Variants in MIB1 observed in about 807,000 individuals in gnomAD.
The protein encoded by MIB1 is E3 ubiquitin-protein ligase MIB1.
In MIB1, 278 loss-of-function variants were observed where a neutral mutation model predicts 124.5. The observed-to-expected ratio is 2.23, with a 90% confidence interval of 2.02 to 2.47. The LOEUF is 2.47. Ranked by LOEUF, MIB1 falls within the 30% of genes most tolerant of loss-of-function variation. MIB1 has a pLI of 0.00. For synonymous variants in MIB1, 446 were observed against 429.4 expected, an observed-to-expected ratio of 1.04 and a Z score of -0.48; for missense variants, 957 against 1,254.4, an observed-to-expected ratio of 0.76 and a Z score of 3.58.
intron 1 of MIB1, among the ~76,000 whole-genome samples, chr18:21,762,788 T>C (rs1440507297): frequency 6.6e-6 from 1 of 152,192 alleles, no homozygotes; most frequent in East Asian, 1.9e-4. Context: ...TTAGAAGTTT[T>C]TATTTATTTT....
chr18:21,785,793 A>C (rs1457633726), intron 6 of MIB1, among the ~76,000 whole-genome samples: 1 of 152,222 alleles, frequency 6.6e-6, no homozygotes, highest in Non-Finnish European at 1.5e-5. Flanking sequence ...TCTTATAAGA[A>C]ATGATGGTGA....
At chr18:21,724,728 AT>A (rs1439892100) in intron 1 of MIB1, among the ~76,000 whole-genome samples, 874 of 18,672 alleles carry the variant, frequency 0.047, 27 homozygotes, top group Middle Eastern at 0.15. Context: ...AAAAAAAAAA[AT>A]ATATATATAT....
intron 6 of MIB1, among the ~76,000 whole-genome samples, chr18:21,783,456 T>C (rs2041395382): frequency 6.6e-6 from 1 of 152,114 alleles, no homozygotes; most frequent in Non-Finnish European, 1.5e-5. Context: ...TTAGTCAGGC[T>C]GGTCTCTAAC....
At chr18:21,788,608 T>G (rs970708243) in intron 6 of MIB1, among the ~76,000 whole-genome samples, 2 of 152,202 alleles carry the variant, frequency 1.3e-5, no homozygotes, top group African/African-American at 4.8e-5. Flanking sequence ...TACCAGAGGT[T>G]CTAGTCATAG....
At position 21,773,635 on chromosome 18, in the gene MIB1, C is replaced by G; in HGVS notation, c.543C>G (p.Ile181Met). ...GNGRRGKVTE[I>M]QDWSASSPHS... ...AACTATTCTGTTAGGTAACAGAAAT[C>G]CAGGACTGGAGTGCATCAAGCCCAC... Residue 181 changes from isoleucine (I) to methionine (M), a missense_variant, in exon 4 of 21, where the codon ATC becomes ATG. Transcript: ENST00000261537. The G allele has an allele frequency of 6.2e-7, 1 of 1,606,292 alleles. No individual in the cohort carries two copies. Among genetic ancestry groups the G allele is most frequent in the Non-Finnish European group, 8.5e-7 (1 of 1,177,102 alleles).
chr18:21,799,537 T>A (rs1484893784), intron 8 of MIB1, among the ~76,000 whole-genome samples: 1 of 152,080 alleles, frequency 6.6e-6, no homozygotes. Context: ...CATGGTAGTG[T>A]GTTTATTCAT....
At chr18:21,851,265 C>T (rs1464831003) in intron 17 of MIB1, among the ~76,000 whole-genome samples, 1 of 151,996 alleles carries the variant, frequency 6.6e-6, no homozygotes, top group Non-Finnish European at 1.5e-5. Flanking sequence ...AAATTAAGAA[C>T]GATGTCTGCA....
intron 1 of MIB1, among the ~76,000 whole-genome samples, chr18:21,749,339 C>T (rs955736216): frequency 2.7e-4 from 41 of 151,974 alleles, no homozygotes; most frequent in African/African-American, 5.6e-4. Flanking sequence ...TCTTTTTGGT[C>T]GGTACATAGT....
In MIB1 at chr18:21,757,935, G is replaced by A. The variant is rs139394850; in HGVS notation, c.230-7837G>A. On this transcript the variant is annotated intron_variant, in intron 1 of 20. Transcript: ENST00000261537. ...TTTAAATAAGATCCATGCTAGGTGCGGAAGAAAAACCACAAAAAACCGTGG... is the reference window on the plus strand; with the variant it reads ...TTTAAATAAGATCCATGCTAGGTGCAGAAGAAAAACCACAAAAAACCGTGG... Among the ~76,000 whole-genome samples, 34 of 152,220 alleles carry A rather than the reference G, an allele frequency of 2.2e-4. No individual in the cohort carries two copies. The East Asian group carries it at 5.0e-3, about 22-fold the overall frequency.
intron 1 of MIB1, among the ~76,000 whole-genome samples, chr18:21,743,854 A>G (rs1389080498): frequency 1.3e-5 from 2 of 152,170 alleles, no homozygotes; most frequent in African/African-American, 4.8e-5. Flanking sequence ...ATATGTTTGT[A>G]GTATGGGGTG....
At chr18:21,730,498 A>G (rs2040763924) in intron 1 of MIB1, among the ~76,000 whole-genome samples, 1 of 152,002 alleles carries the variant, frequency 6.6e-6, no homozygotes, top group South Asian at 2.1e-4. Flanking sequence ...AACTCAGGAG[A>G]CAGAGGTTGC....
rs1260929340 is a variant in MIB1 at position 21,847,559 on chromosome 18, G to C, written c.2393+434G>C. On this transcript the variant is annotated intron_variant, in intron 16 of 20. Transcript: ENST00000261537. ...TGCCCAGGTTGGGCTTAAACTCCTG[G>C]GCTCAAGCAATCCTCTTGCTTCATC... Among the ~76,000 whole-genome samples, 4 of 151,954 alleles carry C rather than the reference G, an allele frequency of 2.6e-5. No homozygotes were observed. In the East Asian group the frequency reaches 7.7e-4, roughly 29 times the overall value.
At chr18:21,712,703 A>C (rs375107925) in intron 1 of MIB1, among the ~76,000 whole-genome samples, 1 of 152,232 alleles carries the variant, frequency 6.6e-6, no homozygotes, top group African/African-American at 2.4e-5. Flanking sequence ...AGCATGGTCA[A>C]CGTTTTAACT....
chr18:21,856,989 A>G (rs1474565034), intron 18 of MIB1, 141 bp from the exon 19 acceptor site: 1 of 623,592 alleles, frequency 1.6e-6, no homozygotes, highest in Non-Finnish European at 2.9e-6. Context: ...ATAACATTTT[A>G]AGGAGGTAGA....
intron 6 of MIB1, among the ~76,000 whole-genome samples, chr18:21,785,167 A>G (rs1598609657): frequency 1.3e-5 from 2 of 152,216 alleles, no homozygotes; most frequent in East Asian, 1.9e-4. Context: ...CCCGGTGGAC[A>G]TGTGACTTGT....
chr18:21,786,481 T>G (rs1568201346), intron 6 of MIB1, among the ~76,000 whole-genome samples: 1 of 152,220 alleles, frequency 6.6e-6, no homozygotes, highest in Non-Finnish European at 1.5e-5. Context: ...TAGTTTTTGC[T>G]TTTATCTTTC....
chr18:21,839,733 C>T (rs1398817386), intron 13 of MIB1, among the ~76,000 whole-genome samples: 1 of 152,186 alleles, frequency 6.6e-6, no homozygotes, highest in African/African-American at 2.4e-5. Context: ...AACTCCTGGG[C>T]TCAAGTGATC....
At chr18:21,768,854 GC>G in intron 3 of MIB1, 102 bp downstream of exon 3, 1 of 985,940 alleles carries the variant, frequency 1.0e-6, no homozygotes. Context: ...TGTTTTCCAT[GC>G]CAGTAACAGT....
At chr18:21,814,650 T>A (rs1184179520) in intron 10 of MIB1, among the ~76,000 whole-genome samples, 1 of 152,016 alleles carries the variant, frequency 6.6e-6, no homozygotes, top group Non-Finnish European at 1.5e-5. Flanking sequence ...CTCAGCTCAC[T>A]GCAACCTCTG....
Sources: allele counts gnomAD v4.1 joint callset (sites outside exome capture counted in the v4.1 genomes callset), GRCh38; gene constraint gnomAD v4.1.1; transcripts MANE v1.5; gene names NCBI Gene and HGNC (gene_info 2026-07-23, HGNC 2026-07-21).